Variants in UBA1 observed in about 807,000 individuals in gnomAD.
The protein encoded by UBA1 is ubiquitin like modifier activating enzyme 1, also known as ubiquitin-like modifier-activating enzyme 1.
UBA1 carries 4 observed loss-of-function variants against 84.7 expected under a neutral mutation model. The observed-to-expected ratio is 0.05, with a 90% CI of 0.02 to 0.11. UBA1 has a LOEUF of 0.11. Ranked by LOEUF, UBA1 falls within the 10% of genes least tolerant of loss-of-function variation. The probability of loss-of-function intolerance (pLI) is 1.00; values close to 1 mark genes in which losing one functional copy is unlikely to be tolerated. For missense variants in UBA1, 513 were observed against 902.8 expected, an observed-to-expected ratio of 0.57 and a Z score of 5.53; for synonymous variants, 364 against 362.6, an observed-to-expected ratio of 1.00 and a Z score of -0.04.
rs1295533269 is a variant in UBA1 at position 47,206,584 on chromosome X, C to T, written c.1938+140C>T. On this transcript the variant is annotated intron_variant, in intron 16 of 25. Transcript: ENST00000335972. ...CTTTTCTCCAAACCTCCCTCCCTCA[C>T]TTCCCACCAGGCAGCCTAGGTTTCT... 5.0e-6 allele frequency: 3 copies of T among 604,318 alleles called. No individual in the cohort carries two copies. In the Admixed American group the frequency reaches 8.2e-5, roughly 17 times the overall value. The allele number at this position is 604,318 out of a possible 1,213,427, so 49.8% of individuals were successfully genotyped here.
intron 5 of UBA1, among the ~76,000 whole-genome samples, chrX:47,199,884 G>A (rs1268408460): frequency 9.2e-6 from 1 of 109,223 alleles, no homozygotes; most frequent in African/African-American, 3.3e-5. Context: ...CTGGGTTCAC[G>A]CCATTCTCCT....
rs1160881849 is a variant in UBA1, at chrX:47,196,989, A to C, written c.1-1814A>C. 7 of 425,303 alleles carry C rather than the reference A, an allele frequency of 1.6e-5. No individual in the cohort carries two copies. The African/African-American group carries it at 1.9e-4, about 12-fold the overall frequency. The allele number at this position is 425,303 out of a possible 1,213,427, so 35.0% of individuals were successfully genotyped here. On this transcript the variant is annotated intron_variant, in intron 1 of 25. Coordinates refer to ENST00000335972, the MANE Select transcript of UBA1 (RefSeq NM_003334.4). ...TTTCATTTGTCCCAGCTTTTGGAGA[A>C]AATGAGGCTCAGAGGAAATGAGATC...
rs782394637 is a variant in UBA1, at chrX:47,211,053, T to C, written c.2292T>C (p.Tyr764=). The change falls in exon 20 of 26, where the codon TAT becomes TAC. Residue 764 remains tyrosine (Y), a synonymous_variant. Transcript: ENST00000335972. ...FDVNNPLHLD[Y]VMAAANLFAQ... Reference sequence around the variant, plus strand: ...TCTCCTAGCCCCTGCATCTGGACTATGTGATGGCTGCTGCCAACCTGTTTG... The same window carrying C: ...TCTCCTAGCCCCTGCATCTGGACTACGTGATGGCTGCTGCCAACCTGTTTG... 13 of 1,210,009 alleles carry C rather than the reference T, an allele frequency of 1.1e-5. No individual in the cohort carries two copies. The highest frequency in any genetic ancestry group is 2.2e-5 in the Admixed American group (1 of 45,810).
Position 47,212,973 on chromosome X carries a change from T to C in UBA1, c.2647-17T>C. ...TGTACTTAACTACCACCTTCTTTTG[T>C]CCCTTCTGTCTCTCAGAGCAAGCTG... On this transcript the variant is annotated splice_polypyrimidine_tract_variant and intron_variant, in intron 22 of 25. Coordinates refer to ENST00000335972, the MANE Select transcript of UBA1 (RefSeq NM_003334.4). 1 of 1,211,685 alleles carries C rather than the reference T, an allele frequency of 8.3e-7. No homozygotes were observed. The highest frequency in any genetic ancestry group is 1.1e-6 in the Non-Finnish European group (1 of 895,437).
In UBA1 at chrX:47,214,784, CT is replaced by C. The variant is rs782376359; in HGVS notation, c.3042-9del. On this transcript the variant is annotated splice_polypyrimidine_tract_variant and intron_variant, in intron 25 of 25. Transcript: ENST00000335972. ...CTCCTGACCCTATACTCCCATCCCC[CT>C]ATCCCCAGGATGACAGAGATTGTGA... 4 of 1,208,997 alleles carry C rather than the reference CT, an allele frequency of 3.3e-6. No individual in the cohort carries two copies. In the Admixed American group the frequency reaches 6.5e-5, roughly 20 times the overall value.
intron 16 of UBA1, among the ~76,000 whole-genome samples, chrX:47,207,432 A>C (rs1936723973): frequency 8.9e-6 from 1 of 112,295 alleles, no homozygotes; most frequent in Non-Finnish European, 1.9e-5. Context: ...ATAATGTCTT[A>C]AGAAAATTTA....
intron 14 of UBA1, chrX:47,205,745 T>C: frequency 2.1e-6 from 1 of 472,679 alleles, no homozygotes; most frequent in Non-Finnish European, 3.6e-6. Context: ...TCCCAGCTAC[T>C]CGGGAGGCTG....
At chrX:47,195,559 C>G (rs1270909286) in intron 1 of UBA1, among the ~76,000 whole-genome samples, 2 of 111,600 alleles carry the variant, frequency 1.8e-5, no homozygotes, top group African/African-American at 3.3e-5. Flanking sequence ...CCATGGCCCT[C>G]TTGTTTTCTA....
At chrX:47,209,464 A>G (rs782618971) in intron 16 of UBA1, 159 bp from the exon 17 acceptor site, 18 of 546,544 alleles carry the variant, frequency 3.3e-5, no homozygotes, top group East Asian at 1.4e-4. Context: ...TGGTTTTTCA[A>G]TTGAGGTGGG....
In UBA1 at chrX:47,212,411, TTTC is replaced by T; in HGVS notation, c.2465-9_2465-7del. 1 of 1,187,252 alleles carries T rather than the reference TTTC, an allele frequency of 8.4e-7. No homozygotes were observed. Among genetic ancestry groups the T allele is most frequent in the Non-Finnish European group, 1.1e-6 (1 of 873,492 alleles). Reference sequence around the variant, plus strand: ...GGATCTAAAGGGCTGACAGTGTCCCTTTCTTCATGCAGATGACAGTCGTCTAGA... The same window carrying T: ...GGATCTAAAGGGCTGACAGTGTCCCTTTCATGCAGATGACAGTCGTCTAGA... On this transcript the variant is annotated splice_polypyrimidine_tract_variant and intron_variant, in intron 20 of 25. Transcript: ENST00000335972.
Position 47,213,067 on chromosome X carries a change from G to A in UBA1, c.2724G>A (p.Glu908=), listed in dbSNP as rs376593996. ...CCGTGGTTGGCCTTGTGTGTCTGGA[G>A]CTGTACAAGGTTGTGCAGGGGCACC... The part of the protein sequence containing the change: ...TAAVVGLVCL[E]LYKVVQGHRQ... Residue 908 remains glutamate (E), a synonymous_variant, in exon 23 of 26, where the codon GAG becomes GAA. Transcript: ENST00000335972. The A allele has an allele frequency of 8.3e-6, 10 of 1,210,530 alleles. No individual in the cohort carries two copies. The East Asian group carries it at 8.9e-5, about 11-fold the overall frequency.
At chrX:47,201,087 C>A in intron 6 of UBA1, 87 bp downstream of exon 6, 1 of 907,844 alleles carries the variant, frequency 1.1e-6, no homozygotes, top group Non-Finnish European at 1.6e-6. Flanking sequence ...TCCCTGCCCT[C>A]ATCCCTTCTC....
chrX:47,207,279 C>T (rs1556791436), intron 16 of UBA1, among the ~76,000 whole-genome samples: 1 of 111,682 alleles, frequency 9.0e-6, no homozygotes, highest in Non-Finnish European at 1.9e-5. Flanking sequence ...CATATATTAT[C>T]TAGCTCGGGG....
At chrX:47,203,475 G>A in intron 13 of UBA1, 66 bp from the exon 14 acceptor site, 2 of 1,175,137 alleles carry the variant, frequency 1.7e-6, no homozygotes, top group Non-Finnish European at 2.3e-6. Context: ...GAGGGGTGAT[G>A]GGTAGCTTCA....
chrX:47,202,236 C>T lies in UBA1; in HGVS notation c.892C>T (p.Pro298Ser). 1 of 1,209,606 alleles carries T rather than the reference C, an allele frequency of 8.3e-7. No individual in the cohort carries two copies. The highest frequency in any genetic ancestry group is 1.1e-6 in the Non-Finnish European group (1 of 894,260). ...RGGIVSQVKV[P>S]KKISFKSLVA... ...AGGCATCGTCAGTCAGGTCAAAGTA[C>T]CTAAGAAGATTAGCTTTGTGAGTGT... is the stretch of plus-strand genomic sequence containing the variant. The change falls in exon 9 of 26, where the codon CCT (proline) becomes TCT (serine). Residue 298 changes from proline (P) to serine (S), a missense_variant. Physicochemically the swap from Pro to Ser is moderately conservative, Grantham distance 74 (BLOSUM62 -1). Transcript: ENST00000335972.
chrX:47,203,005 C>T lies in UBA1; in HGVS notation c.1296C>T (p.Leu432=), dbSNP rs147825775. 558 of 1,210,211 alleles carry T rather than the reference C, an allele frequency of 4.6e-4. No individual in the cohort carries two copies. The highest frequency in any genetic ancestry group is 6.1e-4 in the Non-Finnish European group (549 of 895,119). Residue 432 remains leucine, a synonymous_variant, in exon 12 of 26, where the codon CTC becomes CTT. Coordinates refer to ENST00000335972, the MANE Select transcript of UBA1 (RefSeq NM_003334.4). ...TATACTTTGATGCCCTTGAGTGTCT[C>T]CCTGAGGACAAAGAGGTCCTCACAG... The part of the protein sequence containing the change: ...QWLYFDALEC[L]PEDKEVLTED...
intron 8 of UBA1, 93 bp downstream of exon 8, chrX:47,201,703 G>A: frequency 9.6e-7 from 1 of 1,046,038 alleles, no homozygotes; most frequent in East Asian, 3.1e-5. Context: ...ATGGCCCTTG[G>A]TTCAGAGTTG....
chrX:47,215,104 C>T lies in UBA1; in HGVS notation c.*175C>T. The T allele has an allele frequency of 1.6e-6, 1 of 637,931 alleles. No individual in the cohort carries two copies. Among genetic ancestry groups the T allele is most frequent in the South Asian group, 2.6e-5 (1 of 38,534 alleles). The allele number at this position is 637,931 out of a possible 1,213,427, so 52.6% of individuals were successfully genotyped here. ...CTTCTACCTTGTTTGAAACCTGAAT[C>T]CTAATAAAGAATTAATAACTCCCAC... On this transcript the variant is annotated 3_prime_UTR_variant, in exon 26 of 26. Transcript: ENST00000335972.
At chrX:47,195,567 C>G (rs537120062) in intron 1 of UBA1, among the ~76,000 whole-genome samples, 3 of 111,402 alleles carry the variant, frequency 2.7e-5, no homozygotes, top group African/African-American at 6.5e-5. Flanking sequence ...CTCTTGTTTT[C>G]TACTGCAGTA....
Sources: allele counts gnomAD v4.1 joint callset (sites outside exome capture counted in the v4.1 genomes callset), GRCh38; gene constraint gnomAD v4.1.1; transcripts MANE v1.5; gene names NCBI Gene and HGNC (gene_info 2026-07-23, HGNC 2026-07-21).